The following CFDP1 variants were observed in gnomAD, a reference collection of about 807,000 sequenced individuals.
The protein encoded by CFDP1 is chromatin remodeling protein CFDP1, also known as heterochromatin-stabilizing protein CFDP1.
A neutral mutation model predicts 40.1 loss-of-function variants in CFDP1; 31 were observed. The observed-to-expected ratio is 0.77, with a 90% CI of 0.58 to 1.04. The LOEUF is 1.04. CFDP1 is among the 50% of genes least tolerant of loss of function. The pLI is 0.00. For missense variants in CFDP1, 423 were observed against 343.4 expected (o/e 1.23, Z -1.83); for synonymous variants, 167 against 120.0 (o/e 1.39, Z -2.56).
intron 4 of CFDP1, among the ~76,000 whole-genome samples, chr16:75,411,273 C>T (rs1047373823): frequency 4.0e-5 from 6 of 151,574 alleles, no homozygotes; most frequent in African/African-American, 9.7e-5. Context: ...GGTATGGTGG[C>T]GTGTGCCTGT....
intron 1 of CFDP1, among the ~76,000 whole-genome samples, chr16:75,424,885 A>G (rs968179569): frequency 3.3e-5 from 5 of 152,180 alleles, no homozygotes; most frequent in African/African-American, 1.2e-4. Context: ...ACATATTGGA[A>G]AGGAAGAAAT....
At chr16:75,403,731 A>C (rs1043043937) in intron 4 of CFDP1, among the ~76,000 whole-genome samples, 1 of 152,208 alleles carries the variant, frequency 6.6e-6, no homozygotes, top group Non-Finnish European at 1.5e-5. Flanking sequence ...CAAACTATTA[A>C]AAGTTTATAC....
intron 5 of CFDP1, among the ~76,000 whole-genome samples, chr16:75,356,911 CTTTTTTT>C (rs576406459): frequency 5.0e-5 from 4 of 80,662 alleles, no homozygotes; most frequent in Admixed American, 4.7e-4. Context: ...TGCTTTCTTT[CTTTTTTT>C]TTTTTTTTTT....
At chr16:75,430,805 G>T (rs531538587) in intron 1 of CFDP1, among the ~76,000 whole-genome samples, 1 of 152,236 alleles carries the variant, frequency 6.6e-6, no homozygotes, top group Admixed American at 6.5e-5. Flanking sequence ...TAGCAGACAG[G>T]CTTCAGAGAG....
chr16:75,325,201 C>T (rs890549105), intron 5 of CFDP1, among the ~76,000 whole-genome samples: 1 of 152,186 alleles, frequency 6.6e-6, no homozygotes, highest in Admixed American at 6.5e-5. Context: ...GTCTGCTCTG[C>T]CTATAGCCTT....
intron 5 of CFDP1, among the ~76,000 whole-genome samples, chr16:75,309,819 C>CAAAAAAAAA (rs1156624164): frequency 6.5e-5 from 3 of 46,476 alleles, no homozygotes; most frequent in African/African-American, 9.8e-5. Flanking sequence ...GACTCCATCT[C>CAAAAAAAAA]AAAAAAAAAA....
At chr16:75,412,485 A>T (rs2079171355) in intron 3 of CFDP1, 50 bp downstream of exon 3, 3 of 1,375,204 alleles carry the variant, frequency 2.2e-6, no homozygotes, top group African/African-American at 2.8e-5. Flanking sequence ...AATCTCAGTA[A>T]TGTAGGGTAT....
chr16:75,304,928 C>A, intron 6 of CFDP1, 96 bp downstream of exon 6: 1 of 1,279,198 alleles, frequency 7.8e-7, no homozygotes, highest in Admixed American at 2.0e-5. Flanking sequence ...TCATGAAAAG[C>A]TCCTGCTTGC....
At chr16:75,366,560 T>A (rs1473055660) in intron 5 of CFDP1, among the ~76,000 whole-genome samples, 2 of 150,140 alleles carry the variant, frequency 1.3e-5, no homozygotes, top group African/African-American at 2.5e-5. Context: ...GAGGCGGAGG[T>A]TGCAGTGAGC....
At chr16:75,365,972 T>C (rs1330947188) in intron 5 of CFDP1, among the ~76,000 whole-genome samples, 2 of 152,154 alleles carry the variant, frequency 1.3e-5, no homozygotes, top group Non-Finnish European at 2.9e-5. Context: ...TGGAAAACAA[T>C]GAACAATTCC....
chr16:75,349,678 A>AT lies in CFDP1; in HGVS notation c.651-44497_651-44496insA, dbSNP rs1567653462. Among the ~76,000 whole-genome samples, 56 of 5,890 alleles carry AT rather than the reference A, an allele frequency of 9.5e-3. 2 individuals are homozygous for AT. Among genetic ancestry groups the AT allele is most frequent in the African/African-American group, 0.017 (30 of 1,816 alleles). The allele number at this position is 5,890 out of a possible 152,430, so 3.9% of individuals were successfully genotyped here. A position where few individuals can be genotyped will look rare whatever the true frequency, so the allele number is the denominator to read the frequency against. On this transcript the variant is annotated intron_variant, in intron 5 of 6. Transcript: ENST00000283882. The stretch of plus-strand genomic sequence containing the variant: ...AAAAAAAAAAAAAAAAAAAAAAAAA[A>AT]AAAAAAAAAAAAATATATATACATA...
intron 5 of CFDP1, among the ~76,000 whole-genome samples, chr16:75,320,202 C>T (rs1284058923): frequency 6.6e-6 from 1 of 152,212 alleles, no homozygotes; most frequent in East Asian, 1.9e-4. Context: ...CCCATCCCTA[C>T]TGCTAGGAGA....
chr16:75,402,680 GAAT>G (rs1179939749), intron 4 of CFDP1, among the ~76,000 whole-genome samples: 2 of 151,986 alleles, frequency 1.3e-5, no homozygotes, highest in East Asian at 1.9e-4. Context: ...AGAAAAAGGA[GAAT>G]AATGACATGA....
At chr16:75,303,493 T>C (rs983724422) in intron 6 of CFDP1, among the ~76,000 whole-genome samples, 1 of 116,344 alleles carries the variant, frequency 8.6e-6, no homozygotes, top group African/African-American at 3.2e-5. Flanking sequence ...AAGCCTAATT[T>C]AGAAATATGA....
chr16:75,294,849 G>A (rs1417627552), intron 6 of CFDP1, among the ~76,000 whole-genome samples: 1 of 152,094 alleles, frequency 6.6e-6, no homozygotes, highest in Non-Finnish European at 1.5e-5. Flanking sequence ...CTTTCCCTCT[G>A]TCCTCCAGGC....
intron 5 of CFDP1, among the ~76,000 whole-genome samples, chr16:75,307,789 G>T (rs1008311312): frequency 6.6e-6 from 1 of 152,058 alleles, no homozygotes; most frequent in African/African-American, 2.4e-5. Context: ...CAAACTCTTG[G>T]ACTCAAGCAA....
At chr16:75,374,022 C>G (rs1456584421) in intron 5 of CFDP1, among the ~76,000 whole-genome samples, 1 of 150,970 alleles carries the variant, frequency 6.6e-6, no homozygotes. Flanking sequence ...GGAGGCCAAA[C>G]CAGGTGGATC....
intron 1 of CFDP1, among the ~76,000 whole-genome samples, chr16:75,427,523 A>T (rs2432548): frequency 0.99 from 150,927 of 152,300 alleles, 74,780 homozygotes; most frequent in East Asian, 1. Flanking sequence ...AGTGGTGGGA[A>T]TACAGGCATG....
chr16:75,426,125 C>A (rs1390848405), intron 1 of CFDP1, among the ~76,000 whole-genome samples: 1 of 142,824 alleles, frequency 7.0e-6, no homozygotes, highest in Non-Finnish European at 1.5e-5. Context: ...CCGAGGTGGG[C>A]GGATCACCTG....
Sources: gnomAD v4.1 joint callset for allele counts (sites outside exome capture counted in the v4.1 genomes callset) on GRCh38, gnomAD v4.1.1 for gene constraint, MANE v1.5 for transcripts, NCBI Gene and HGNC (gene_info 2026-07-23, HGNC 2026-07-21) for gene names.